Variants in ALCAM observed in about 807,000 individuals in gnomAD.
ALCAM encodes CD166 antigen.
Under a neutral mutation model 70.9 loss-of-function variants are expected in ALCAM, and 30 were observed. That is an observed-to-expected ratio of 0.42 (90% CI 0.32 to 0.57). ALCAM has a LOEUF of 0.57. Ranked by LOEUF, ALCAM falls within the 20% of genes least tolerant of loss-of-function variation. The pLI, the probability that ALCAM is intolerant of heterozygous loss-of-function variation, is 0.11. For missense variants in ALCAM, 591 were observed against 695.1 expected (o/e 0.85, Z 1.68); for synonymous variants, 249 against 242.5 (o/e 1.03, Z -0.25).
intron 1 of ALCAM, among the ~76,000 whole-genome samples, chr3:105,506,726 C>T (rs1939090158): frequency 6.6e-6 from 1 of 152,050 alleles, no homozygotes; most frequent in Non-Finnish European, 1.5e-5. Flanking sequence ...TAAGCAGTAA[C>T]CATGAACAAA....
chr3:105,378,381 G>T (rs1935429774), intron 1 of ALCAM, among the ~76,000 whole-genome samples: 1 of 151,826 alleles, frequency 6.6e-6, no homozygotes, highest in Admixed American at 6.6e-5. Context: ...CAAATCTGGG[G>T]CACTTATACT....
At chr3:105,550,630 T>G (rs1353738450) in intron 12 of ALCAM, among the ~76,000 whole-genome samples, 1 of 151,594 alleles carries the variant, frequency 6.6e-6, no homozygotes, top group African/African-American at 2.4e-5. Flanking sequence ...TTTGGTAAAT[T>G]TGTAATTCCC....
chr3:105,541,625 A>G lies in ALCAM; in HGVS notation c.859-8A>G, dbSNP rs750936544. Reference sequence around the variant, plus strand: ...TATAATCATCTGACATTTTGCCTCTATCAAAAGGGACAGCCCGAAGGAATA... The same window carrying G: ...TATAATCATCTGACATTTTGCCTCTGTCAAAAGGGACAGCCCGAAGGAATA... On this transcript the variant is annotated splice_region_variant and splice_polypyrimidine_tract_variant and intron_variant, in intron 7 of 15. Coordinates refer to ENST00000306107, the MANE Select transcript of ALCAM (RefSeq NM_001627.4). The G allele has an allele frequency of 1.6e-4, 252 of 1,610,990 alleles. 1 individual carries two copies. Among genetic ancestry groups the G allele is most frequent in the Non-Finnish European group, 1.8e-4 (213 of 1,178,244 alleles).
At chr3:105,533,999 T>G (rs1362830556) in intron 5 of ALCAM, among the ~76,000 whole-genome samples, 3 of 152,082 alleles carry the variant, frequency 2.0e-5, no homozygotes, top group Admixed American at 1.3e-4. Flanking sequence ...GACAGTCCCA[T>G]CTAGGGGTGA....
intron 1 of ALCAM, among the ~76,000 whole-genome samples, chr3:105,448,256 ACCTTTTATAAAAC>A (rs1325956168): frequency 6.6e-6 from 1 of 152,144 alleles, no homozygotes; most frequent in African/African-American, 2.4e-5. Context: ...CCACATTTCC[ACCTTTTATAAAAC>A]CCTAAAGAAT....
At chr3:105,396,757 G>T (rs968056970) in intron 1 of ALCAM, among the ~76,000 whole-genome samples, 3 of 151,998 alleles carry the variant, frequency 2.0e-5, no homozygotes, top group Admixed American at 6.6e-5. Flanking sequence ...TTAGGAAAAA[G>T]TGATTGCCCT....
intron 1 of ALCAM, among the ~76,000 whole-genome samples, chr3:105,381,733 T>G (rs914900465): frequency 6.6e-6 from 1 of 151,566 alleles, no homozygotes; most frequent in Non-Finnish European, 1.5e-5. Context: ...ACTCTGTAGA[T>G]TCAGAGTCTA....
intron 1 of ALCAM, among the ~76,000 whole-genome samples, chr3:105,384,129 T>C (rs1935592264): frequency 6.6e-6 from 1 of 151,648 alleles, no homozygotes; most frequent in Non-Finnish European, 1.5e-5. Flanking sequence ...TACAAAACTA[T>C]TGACTATTGA....
intron 1 of ALCAM, among the ~76,000 whole-genome samples, chr3:105,453,298 C>T (rs12186024): frequency 6.6e-6 from 1 of 152,056 alleles, no homozygotes; most frequent in African/African-American, 2.4e-5. Context: ...TATGGCTAGC[C>T]GGTTTTCCCA....
intron 15 of ALCAM, among the ~76,000 whole-genome samples, chr3:105,573,331 T>C (rs1368544531): frequency 3.9e-5 from 6 of 152,016 alleles, no homozygotes; most frequent in African/African-American, 1.4e-4. Context: ...TGTCTCAAAA[T>C]ATAAAAATAA....
At chr3:105,473,060 C>A (rs769423650) in intron 1 of ALCAM, among the ~76,000 whole-genome samples, 36 of 151,436 alleles carry the variant, frequency 2.4e-4, no homozygotes, top group Non-Finnish European at 3.0e-4. Flanking sequence ...AAATCACCTA[C>A]TGATTACCCT....
At chr3:105,550,371 ATTT>A (rs759252121) in intron 12 of ALCAM, 112 bp downstream of exon 12, 26 of 1,118,680 alleles carry the variant, frequency 2.3e-5, no homozygotes, top group Admixed American at 6.2e-5. Flanking sequence ...AGTTTTATTT[ATTT>A]ATTTTGCATT....
chr3:105,454,444 A>C (rs543564507), intron 1 of ALCAM, among the ~76,000 whole-genome samples: 1 of 152,118 alleles, frequency 6.6e-6, no homozygotes, highest in Admixed American at 6.5e-5. Context: ...ATCTCTCCCC[A>C]TCTCCCCGCA....
At chr3:105,544,227 C>T (rs1368747688) in intron 8 of ALCAM, among the ~76,000 whole-genome samples, 1 of 151,572 alleles carries the variant, frequency 6.6e-6, no homozygotes, top group Non-Finnish European at 1.5e-5. Flanking sequence ...CCCAATTACT[C>T]ACCATTACAA....
chr3:105,574,189 A>G (rs1045397814), intron 15 of ALCAM, among the ~76,000 whole-genome samples: 2 of 152,178 alleles, frequency 1.3e-5, no homozygotes, highest in Non-Finnish European at 2.9e-5. Flanking sequence ...TGAAGAAATG[A>G]GTGTACTTTT....
chr3:105,483,616 G>A (rs974624835), intron 1 of ALCAM, among the ~76,000 whole-genome samples: 7 of 152,114 alleles, frequency 4.6e-5, no homozygotes, highest in Non-Finnish European at 7.4e-5. Context: ...TTGCAAATGT[G>A]GGGCTAGATC....
At chr3:105,545,193 A>C in intron 8 of ALCAM, 30 bp from the exon 9 acceptor site, 1 of 1,356,988 alleles carries the variant, frequency 7.4e-7, no homozygotes, top group South Asian at 1.2e-5. Flanking sequence ...TTTCAGAGTT[A>C]GCACTTTGAA....
chr3:105,544,136 T>A (rs1191295844), intron 8 of ALCAM, among the ~76,000 whole-genome samples: 1 of 151,664 alleles, frequency 6.6e-6, no homozygotes, highest in Non-Finnish European at 1.5e-5. Flanking sequence ...ACACAACTCC[T>A]AGTGTGGCAA....
chr3:105,412,598 T>C (rs1192951642), intron 1 of ALCAM, among the ~76,000 whole-genome samples: 1 of 152,104 alleles, frequency 6.6e-6, no homozygotes, highest in Non-Finnish European at 1.5e-5. Context: ...GTTGAAAGTG[T>C]CATATTGTTT....
Sources: gnomAD v4.1 joint callset for allele counts (sites outside exome capture counted in the v4.1 genomes callset) on GRCh38, gnomAD v4.1.1 for gene constraint, MANE v1.5 for transcripts, NCBI Gene and HGNC (gene_info 2026-07-23, HGNC 2026-07-21) for gene names.